ZEB1: variants seen among roughly 807,000 people sequenced by gnomAD.
The protein encoded by ZEB1 is zinc finger E-box binding homeobox 1.
A neutral mutation model predicts 84.9 loss-of-function variants in ZEB1; 21 were observed. The ratio of observed to expected loss-of-function variants is 0.25; its 90% confidence interval spans 0.18 to 0.36. ZEB1 has a LOEUF of 0.36. Among genes scored for constraint, ZEB1 ranks in the 10% least tolerant of loss-of-function variants. The pLI is 1.00. For missense variants in ZEB1, 1,104 were observed against 1,330.2 expected (o/e 0.83, Z 2.65); for synonymous variants, 420 against 471.1 (o/e 0.89, Z 1.41).
chr10:31,478,978 G>A (rs1434534239), intron 2 of ZEB1, among the ~76,000 whole-genome samples: 1 of 151,670 alleles, frequency 6.6e-6, no homozygotes, highest in African/African-American at 2.4e-5. Flanking sequence ...TCACTATTAT[G>A]TAATATATCT....
intron 1 of ZEB1, among the ~76,000 whole-genome samples, chr10:31,443,944 G>A (rs1404046997): frequency 6.7e-6 from 1 of 149,404 alleles, no homozygotes; most frequent in Admixed American, 6.6e-5. Flanking sequence ...GGGATGGCTG[G>A]GTCAAATGGT....
At chr10:31,484,972 T>G (rs920368590) in intron 2 of ZEB1, among the ~76,000 whole-genome samples, 2 of 151,896 alleles carry the variant, frequency 1.3e-5, no homozygotes, top group Admixed American at 6.6e-5. Flanking sequence ...CCCCCAACCT[T>G]TGTTCTTTGA....
intron 4 of ZEB1, among the ~76,000 whole-genome samples, chr10:31,507,480 G>T (rs1170785843): frequency 1.3e-5 from 2 of 151,702 alleles, no homozygotes; most frequent in South Asian, 2.1e-4. Context: ...CGAATATTTG[G>T]TTACTTTATA....
At chr10:31,366,251 A>G (rs1220525675) in intron 1 of ZEB1, among the ~76,000 whole-genome samples, 2 of 152,234 alleles carry the variant, frequency 1.3e-5, no homozygotes, top group Non-Finnish European at 2.9e-5. Flanking sequence ...CCAGAAAAAA[A>G]CAGACATAAT....
chr10:31,440,896 G>T (rs2058869780), intron 1 of ZEB1, among the ~76,000 whole-genome samples: 2 of 152,082 alleles, frequency 1.3e-5, no homozygotes, highest in Admixed American at 6.5e-5. Context: ...ACTGGTCAAG[G>T]AAATAAAAGA....
chr10:31,338,078 G>T (rs537196583), intron 1 of ZEB1, among the ~76,000 whole-genome samples: 2 of 152,072 alleles, frequency 1.3e-5, no homozygotes, highest in South Asian at 4.2e-4. Context: ...TTATATTTTT[G>T]TAGTCACTAA....
At chr10:31,515,873 A>G (rs1165694594) in intron 6 of ZEB1, among the ~76,000 whole-genome samples, 2 of 152,066 alleles carry the variant, frequency 1.3e-5, no homozygotes, top group African/African-American at 2.4e-5. Flanking sequence ...TTAACAACCT[A>G]CCTTCTTACC....
intron 1 of ZEB1, among the ~76,000 whole-genome samples, chr10:31,353,779 A>G (rs559476586): frequency 6.6e-5 from 10 of 152,250 alleles, no homozygotes; most frequent in African/African-American, 1.9e-4. Flanking sequence ...AGCACCACCA[A>G]CCTGTCATAT....
At chr10:31,332,638 T>C (rs1372962397) in intron 1 of ZEB1, among the ~76,000 whole-genome samples, 1 of 152,148 alleles carries the variant, frequency 6.6e-6, no homozygotes, top group Non-Finnish European at 1.5e-5. Flanking sequence ...TATGTTTTTA[T>C]TTGAATAGAA....
At chr10:31,353,426 TATAGGCTACTCACAATGTA>T (rs2041622798) in intron 1 of ZEB1, among the ~76,000 whole-genome samples, 1 of 152,232 alleles carries the variant, frequency 6.6e-6, no homozygotes, top group African/African-American at 2.4e-5. Flanking sequence ...AACCACTGTA[TATAGGCTACTCACAATGTA>T]ATGAGCTACT....
chr10:31,348,766 T>C (rs1308288850), intron 1 of ZEB1, among the ~76,000 whole-genome samples: 1 of 152,186 alleles, frequency 6.6e-6, no homozygotes, highest in Non-Finnish European at 1.5e-5. Flanking sequence ...AAGTATGTTA[T>C]TCATTCATTT....
rs750036941 is a variant in ZEB1, at chr10:31,521,752, C to G, written c.2420C>G (p.Thr807Arg). 2.5e-6 allele frequency: 4 copies of G among 1,614,112 alleles called. No individual in the cohort carries two copies. The highest frequency in any genetic ancestry group is 3.4e-6 in the Non-Finnish European group (4 of 1,180,006). ...AACCCCATAAATATCGCTATACCTA[C>G]AGTCACTGCCCAGTTACCCACAATC... is the stretch of plus-strand genomic sequence containing the variant. ...SANPINIAIP[T>R]VTAQLPTIVA... is the part of the protein sequence containing the mutation. The change falls in exon 7 of 9, where the codon ACA becomes AGA. Residue 807 changes from threonine to arginine, a missense_variant. Thr to Arg is a moderately conservative substitution (Grantham distance 71). Transcript: ENST00000424869.
rs111443596 is a variant in ZEB1, at chr10:31,331,402, A to G, written c.58+12110A>G. Among the ~76,000 whole-genome samples the G allele has an allele frequency of 9.3e-4, 141 of 152,220 alleles. 3 individuals are homozygous for G. Among genetic ancestry groups the G allele is most frequent in the African/African-American group, 3.2e-3 (133 of 41,536 alleles). On this transcript the variant is annotated intron_variant, in intron 1 of 8. Transcript: ENST00000424869. Reference sequence around the variant, plus strand: ...CGCCTGGCCCGAAGTGTTAAATTCTAATATTGAATCTGCCATTATTTGGCC... The same window carrying G: ...CGCCTGGCCCGAAGTGTTAAATTCTGATATTGAATCTGCCATTATTTGGCC...
intron 1 of ZEB1, among the ~76,000 whole-genome samples, chr10:31,371,335 G>T (rs971991930): frequency 1.3e-5 from 2 of 152,122 alleles, no homozygotes; most frequent in Admixed American, 1.3e-4. Context: ...TTTGGTGGGG[G>T]TTGTTGGAGG....
At chr10:31,374,136 A>G (rs1386017293) in intron 1 of ZEB1, among the ~76,000 whole-genome samples, 1 of 151,874 alleles carries the variant, frequency 6.6e-6, no homozygotes, top group Non-Finnish European at 1.5e-5. Flanking sequence ...GAAGATTAGC[A>G]TATTAATAAT....
chr10:31,396,974 C>T (rs952922332), intron 1 of ZEB1, among the ~76,000 whole-genome samples: 2 of 151,098 alleles, frequency 1.3e-5, no homozygotes. Context: ...AATAAAATAG[C>T]TCGAGCTCTC....
chr10:31,484,824 T>G, intron 2 of ZEB1, among the ~76,000 whole-genome samples: 1 of 152,008 alleles, frequency 6.6e-6, no homozygotes, highest in East Asian at 1.9e-4. Flanking sequence ...TGTATAAGAA[T>G]ATGTCACTGT....
At chr10:31,424,423 G>C (rs1452080256) in intron 1 of ZEB1, among the ~76,000 whole-genome samples, 1 of 151,934 alleles carries the variant, frequency 6.6e-6, no homozygotes, top group Non-Finnish European at 1.5e-5. Context: ...CTGCAATTTA[G>C]GTATTCCATT....
chr10:31,525,540 G>A (rs2073267910), intron 8 of ZEB1, among the ~76,000 whole-genome samples: 1 of 152,134 alleles, frequency 6.6e-6, no homozygotes, highest in Non-Finnish European at 1.5e-5. Flanking sequence ...TCTAACATGG[G>A]TTGCTGTAGA....
Sources: allele counts gnomAD v4.1 joint callset (sites outside exome capture counted in the v4.1 genomes callset), GRCh38; gene constraint gnomAD v4.1.1; transcripts MANE v1.5; gene names NCBI Gene and HGNC (gene_info 2026-07-23, HGNC 2026-07-21).